The following BMPER variants were observed in gnomAD, a reference collection of about 807,000 sequenced individuals.
BMPER encodes BMP binding endothelial regulator, also known as BMP-binding endothelial regulator protein.
A neutral mutation model predicts 87.3 loss-of-function variants in BMPER; 45 were observed. That is an observed-to-expected ratio of 0.52 (90% CI 0.41 to 0.66). The LOEUF (loss-of-function observed/expected upper bound fraction) is 0.66. Ranked by LOEUF, BMPER falls within the 30% of genes least tolerant of loss-of-function variation. BMPER has a pLI of 0.00. For missense variants in BMPER, 784 were observed against 867.5 expected (o/e 0.90, Z 1.21); for synonymous variants, 326 against 316.2 (o/e 1.03, Z -0.33).
intron 2 of BMPER, among the ~76,000 whole-genome samples, chr7:33,920,489 G>A (rs1784199460): frequency 1.4e-5 from 2 of 143,396 alleles, no homozygotes; most frequent in Admixed American, 1.5e-4. Flanking sequence ...ACAGTGGTGC[G>A]ATCTCGGCTT....
intron 6 of BMPER, among the ~76,000 whole-genome samples, chr7:34,004,366 G>C (rs79893894): frequency 0.016 from 2,463 of 151,880 alleles, 73 homozygotes; most frequent in African/African-American, 0.056. Context: ...AAGTCTTTCT[G>C]TAATAAGTCC....
At chr7:34,077,780 T>G (rs983965897) in intron 11 of BMPER, among the ~76,000 whole-genome samples, 2 of 152,256 alleles carry the variant, frequency 1.3e-5, no homozygotes, top group Non-Finnish European at 2.9e-5. Flanking sequence ...TTCCTCTGTC[T>G]TGACTCAATT....
chr7:33,980,569 A>G (rs1249600293), intron 6 of BMPER, among the ~76,000 whole-genome samples: 1 of 152,198 alleles, frequency 6.6e-6, no homozygotes, highest in Non-Finnish European at 1.5e-5. Context: ...ACTAAAGACC[A>G]AGGTGCCAAT....
chr7:34,131,401 A>C (rs896139769), intron 13 of BMPER, among the ~76,000 whole-genome samples: 2 of 152,114 alleles, frequency 1.3e-5, no homozygotes, highest in Non-Finnish European at 2.9e-5. Flanking sequence ...GCTTGATGCA[A>C]GGCCCCCAGC....
At chr7:34,129,598 GAGAGAGAGAGAA>G (rs1465103112) in intron 13 of BMPER, among the ~76,000 whole-genome samples, 1 of 125,344 alleles carries the variant, frequency 8.0e-6, no homozygotes, top group Non-Finnish European at 1.6e-5. Context: ...GAGAGAGAGA[GAGAGAGAGAGAA>G]AGAGAGAGAG....
At chr7:33,981,079 C>T (rs1410920552) in intron 6 of BMPER, among the ~76,000 whole-genome samples, 1 of 152,198 alleles carries the variant, frequency 6.6e-6, no homozygotes. Flanking sequence ...CACTGTCCCT[C>T]ATCCTTGTCC....
intron 13 of BMPER, among the ~76,000 whole-genome samples, chr7:34,118,828 C>A (rs28544996): frequency 1.3e-5 from 2 of 151,886 alleles, no homozygotes; most frequent in African/African-American, 4.8e-5. Context: ...AAAAGGCTAA[C>A]CTCTCTCAAA....
chr7:34,038,309 A>G (rs1015181890), intron 6 of BMPER, among the ~76,000 whole-genome samples: 4 of 152,222 alleles, frequency 2.6e-5, no homozygotes, highest in African/African-American at 4.8e-5. Flanking sequence ...AAGGTGCTGC[A>G]CTGATAGCTT....
chr7:34,061,930 A>C lies in BMPER; in HGVS notation c.1033-72A>C. 3.9e-6 allele frequency: 5 copies of C among 1,266,140 alleles called. No individual in the cohort carries two copies. The Admixed American group carries it at 1.1e-4, about 27-fold the overall frequency. The allele number at this position is 1,266,140 out of a possible 1,614,324, so 78.4% of individuals were successfully genotyped here. A position where few individuals can be genotyped will look rare whatever the true frequency, so the allele number is the denominator to read the frequency against. On this transcript the variant is annotated intron_variant, in intron 10 of 14. Coordinates refer to ENST00000649409, the MANE Select transcript of BMPER (RefSeq NM_001365308.1). ...ATCTTGTATTAGATTTTAAAAAGATATTTGTCCTCAGGAGACCCTGTTTTT... is the reference window on the plus strand; with the variant it reads ...ATCTTGTATTAGATTTTAAAAAGATCTTTGTCCTCAGGAGACCCTGTTTTT...
intron 5 of BMPER, among the ~76,000 whole-genome samples, chr7:33,974,077 C>A (rs1365768534): frequency 6.6e-6 from 1 of 152,156 alleles, no homozygotes; most frequent in Admixed American, 6.5e-5. Context: ...TTGTACCTGG[C>A]CCTCTGAACA....
At chr7:34,153,037 G>A (rs1309209536) in intron 14 of BMPER, 55 bp from the exon 15 acceptor site, 10 of 1,600,932 alleles carry the variant, frequency 6.2e-6, no homozygotes, top group African/African-American at 1.3e-5. Flanking sequence ...CTGGCTGAGG[G>A]TGAATTAATG....
intron 6 of BMPER, among the ~76,000 whole-genome samples, chr7:33,996,832 A>G (rs1340809551): frequency 6.6e-6 from 1 of 152,232 alleles, no homozygotes; most frequent in Non-Finnish European, 1.5e-5. Flanking sequence ...TAATCATTAT[A>G]AAAATATTAA....
rs190093336 is a variant in BMPER at position 34,154,022 on chromosome 7, T to C, written c.*749T>C. The C allele has an allele frequency of 6.5e-6, 1 of 152,766 alleles. No homozygotes were observed. Among genetic ancestry groups the C allele is most frequent in the African/African-American group, 2.4e-5 (1 of 41,564 alleles). 9.5% of individuals were successfully genotyped at this position (152,766 alleles called of 1,614,324 possible). A position where few individuals can be genotyped will look rare whatever the true frequency, so the allele number is the denominator to read the frequency against. On this transcript the variant is annotated 3_prime_UTR_variant, in exon 15 of 15. Transcript: ENST00000649409. The stretch of plus-strand genomic sequence containing the variant: ...ACCATTTATATGTCATGTGTTGAAA[T>C]TAAAGGGTGTCTGGATGCCATGTTA...
chr7:34,136,006 G>A (rs1305868626), intron 13 of BMPER, among the ~76,000 whole-genome samples: 1 of 152,166 alleles, frequency 6.6e-6, no homozygotes, highest in African/African-American at 2.4e-5. Context: ...AAATCCACAA[G>A]CTAATGAAAA....
Position 34,049,479 on chromosome 7 carries a change from T to C in BMPER, c.677-2382T>C, listed in dbSNP as rs116261600. 7.5e-3 allele frequency among the ~76,000 whole-genome samples: 1,146 copies of C among 152,242 alleles called. 13 individuals carry two copies. The highest frequency in any genetic ancestry group is 0.023 in the African/African-American group (966 of 41,548). On this transcript the variant is annotated intron_variant, in intron 7 of 14. Transcript: ENST00000649409. The stretch of plus-strand genomic sequence containing the variant: ...AGCCATTCCTCCACCTGTGGAACAA[T>C]ATTGCCCGCTATAATGGTAGTATAG...
chr7:33,945,700 A>G (rs969165339), intron 3 of BMPER, among the ~76,000 whole-genome samples: 1 of 152,140 alleles, frequency 6.6e-6, no homozygotes, highest in African/African-American at 2.4e-5. Context: ...TCCATCTGTT[A>G]TCTTCATGGA....
At chr7:33,917,177 A>G (rs1439965671) in intron 2 of BMPER, among the ~76,000 whole-genome samples, 3 of 152,164 alleles carry the variant, frequency 2.0e-5, no homozygotes, top group Non-Finnish European at 2.9e-5. Context: ...AAAAAGTCAC[A>G]ATGAAAAATG....
In BMPER at chr7:34,058,160, A is replaced by G; in HGVS notation, c.1029A>G (p.Pro343=). 6.2e-7 allele frequency: 1 copy of G among 1,613,588 alleles called. No individual in the cohort carries two copies. The highest frequency in any genetic ancestry group is 1.1e-5 in the South Asian group (1 of 91,068). Residue 343 remains proline, a synonymous_variant, in exon 10 of 15, where the codon CCA becomes CCG. Coordinates refer to ENST00000649409, the MANE Select transcript of BMPER (RefSeq NM_001365308.1). ...AGTGCATTCCCATCAGTAGCTGCCC[A>G]CAGGTATGTTTGGAACACAGATTGA... ...NKQCIPISSC[P]QGKILNRKGC... is the part of the protein sequence containing the mutation.
chr7:33,908,670 A>G (rs1012603732), intron 2 of BMPER, among the ~76,000 whole-genome samples: 1 of 152,224 alleles, frequency 6.6e-6, no homozygotes, highest in Non-Finnish European at 1.5e-5. Context: ...TTCAACATTT[A>G]AGTAACAGTT....
Sources: gnomAD v4.1 joint callset for allele counts (sites outside exome capture counted in the v4.1 genomes callset) on GRCh38, gnomAD v4.1.1 for gene constraint, MANE v1.5 for transcripts, NCBI Gene and HGNC (gene_info 2026-07-23, HGNC 2026-07-21) for gene names.